ZMIZ1: variants seen among roughly 807,000 people sequenced by gnomAD.
ZMIZ1 encodes the protein zinc finger MIZ-type containing 1, also known as zinc finger MIZ domain-containing protein 1.
Under a neutral mutation model 113.9 loss-of-function variants are expected in ZMIZ1, and 17 were observed. The ratio of observed to expected loss-of-function variants is 0.15; its 90% CI spans 0.10 to 0.22. The LOEUF (loss-of-function observed/expected upper bound fraction) is 0.22, where lower values mean the gene tolerates loss of function less well. ZMIZ1 is among the 10% of genes least tolerant of loss of function. The pLI, the probability that ZMIZ1 is intolerant of heterozygous loss-of-function variation, is 1.00. For synonymous variants in ZMIZ1, 607 were observed against 603.1 expected (o/e 1.01, Z -0.09); for missense variants, 1,059 against 1,477.8 (o/e 0.72, Z 4.65).
intron 2 of ZMIZ1, among the ~76,000 whole-genome samples, chr10:79,128,477 C>T (rs113230083): frequency 1.3e-5 from 2 of 152,312 alleles, no homozygotes; most frequent in African/African-American, 4.8e-5. Flanking sequence ...ATGAATCTGA[C>T]CTTTGCAGTG....
At chr10:79,261,786 A>G (rs12572856) in intron 7 of ZMIZ1, among the ~76,000 whole-genome samples, 31,533 of 152,222 alleles carry the variant, frequency 0.21, 3,628 homozygotes, top group Non-Finnish European at 0.27. Flanking sequence ...CTCCATCCAT[A>G]GCCACTGTCA....
chr10:79,088,274 G>A (rs1257504901), intron 1 of ZMIZ1, among the ~76,000 whole-genome samples: 3 of 152,228 alleles, frequency 2.0e-5, no homozygotes, highest in African/African-American at 7.2e-5. Context: ...TTGGCTTCCT[G>A]GGAGAATTGG....
intron 1 of ZMIZ1, among the ~76,000 whole-genome samples, chr10:79,099,735 C>A (rs376810187): frequency 3.3e-5 from 5 of 152,316 alleles, no homozygotes; most frequent in African/African-American, 1.2e-4. Context: ...TCTCCATAAA[C>A]CCCCTGTGAC....
intron 7 of ZMIZ1, among the ~76,000 whole-genome samples, chr10:79,247,618 T>C (rs1335298510): frequency 6.6e-6 from 1 of 152,130 alleles, no homozygotes; most frequent in African/African-American, 2.4e-5. Flanking sequence ...CCCCAACTGC[T>C]CCCACCCCCC....
intron 3 of ZMIZ1, among the ~76,000 whole-genome samples, chr10:79,150,470 G>T (rs1188407873): frequency 6.6e-6 from 1 of 152,198 alleles, no homozygotes; most frequent in African/African-American, 2.4e-5. Context: ...CTCAGACAAA[G>T]CCTGTGACCC....
At chr10:79,100,358 C>G (rs1843316001) in intron 1 of ZMIZ1, among the ~76,000 whole-genome samples, 2 of 150,572 alleles carry the variant, frequency 1.3e-5, no homozygotes, top group Non-Finnish European at 2.9e-5. Context: ...TGTAATCCAG[C>G]ACTTTGGGAG....
At chr10:79,193,793 G>A (rs952571288) in intron 4 of ZMIZ1, among the ~76,000 whole-genome samples, 1 of 152,198 alleles carries the variant, frequency 6.6e-6, no homozygotes, top group Non-Finnish European at 1.5e-5. Context: ...ACAGTCAGAG[G>A]CAAAGACATG....
Position 79,069,358 on chromosome 10 carries a change from G to A in ZMIZ1, c.-337+88G>A, listed in dbSNP as rs1319680365. On this transcript the variant is annotated intron_variant, in intron 1 of 24. Transcript: ENST00000334512. This position sits in a 1 kb window ranked among gnomAD's most constrained non-coding sequence, Gnocchi z 4.6. ...CTCTCGGGGTGCAAGCGTGGGGATTGGGTGCTGGGGTTTTTCCCTTAAAGT... is the reference window on the plus strand; with the variant it reads ...CTCTCGGGGTGCAAGCGTGGGGATTAGGTGCTGGGGTTTTTCCCTTAAAGT... 1.3e-5 allele frequency: 2 copies of A among 150,600 alleles called. No homozygotes were observed. The highest frequency in any genetic ancestry group is 4.8e-5 in the African/African-American group (2 of 41,252). 9.3% of individuals were successfully genotyped at this position (150,600 alleles called of 1,614,324 possible). A position where few individuals can be genotyped will look rare whatever the true frequency, so the allele number is the denominator to read the frequency against.
intron 3 of ZMIZ1, among the ~76,000 whole-genome samples, chr10:79,140,294 C>T (rs1370337940): frequency 1.3e-5 from 2 of 152,194 alleles, no homozygotes; most frequent in Admixed American, 6.5e-5. Context: ...CAAAGTTCTC[C>T]CTGTCAGCTC....
At chr10:79,211,747 G>A (rs1000327598) in intron 6 of ZMIZ1, among the ~76,000 whole-genome samples, 6 of 152,172 alleles carry the variant, frequency 3.9e-5, no homozygotes, top group Non-Finnish European at 7.4e-5. Context: ...CACAAGCCCC[G>A]GGCCACCACT....
intron 3 of ZMIZ1, among the ~76,000 whole-genome samples, chr10:79,153,577 C>T (rs1306289172): frequency 1.3e-5 from 2 of 152,266 alleles, no homozygotes; most frequent in African/African-American, 4.8e-5. Context: ...GCTGTCCTTG[C>T]GGGAGAGACC....
intron 1 of ZMIZ1, among the ~76,000 whole-genome samples, chr10:79,105,910 A>C (rs546469205): frequency 6.6e-6 from 1 of 152,336 alleles, no homozygotes; most frequent in South Asian, 2.1e-4. Flanking sequence ...CCTTCCCCTA[A>C]GTGCTCACCA....
intron 8 of ZMIZ1, among the ~76,000 whole-genome samples, chr10:79,277,807 G>A (rs535923383): frequency 5.9e-5 from 9 of 152,322 alleles, no homozygotes; most frequent in South Asian, 2.1e-4. Context: ...CGACAGCACC[G>A]AGGGATTGTC....
intron 1 of ZMIZ1, among the ~76,000 whole-genome samples, chr10:79,092,331 T>C (rs1281657287): frequency 1.3e-5 from 2 of 152,246 alleles, no homozygotes; most frequent in African/African-American, 4.8e-5. Flanking sequence ...CTTCCCTCTG[T>C]TCTCCAGATT....
intron 1 of ZMIZ1, among the ~76,000 whole-genome samples, chr10:79,072,280 A>G (rs904071098): frequency 2.0e-5 from 3 of 152,178 alleles, no homozygotes; most frequent in African/African-American, 7.2e-5. Flanking sequence ...GCGCGCACGC[A>G]CACTCACTTC....
At chr10:79,302,992 G>C (rs991704132) in intron 18 of ZMIZ1, among the ~76,000 whole-genome samples, 1 of 151,848 alleles carries the variant, frequency 6.6e-6, no homozygotes, top group Non-Finnish European at 1.5e-5. Flanking sequence ...CTCCCGAGTA[G>C]CTGGGACTAC....
chr10:79,277,354 T>A, intron 8 of ZMIZ1, 29 bp downstream of exon 8: 1 of 1,557,246 alleles, frequency 6.4e-7, no homozygotes. Context: ...TGGGTGCAGG[T>A]ACTGAGCAGA....
chr10:79,236,711 G>A (rs1564541304), intron 7 of ZMIZ1, among the ~76,000 whole-genome samples: 1 of 152,176 alleles, frequency 6.6e-6, no homozygotes, highest in African/African-American at 2.4e-5. Flanking sequence ...GGGCAGCAGG[G>A]CCACCACACA....
intron 7 of ZMIZ1, among the ~76,000 whole-genome samples, chr10:79,216,943 C>T (rs895125499): frequency 6.6e-6 from 1 of 152,184 alleles, no homozygotes; most frequent in African/African-American, 2.4e-5. Flanking sequence ...TTTAAAGATA[C>T]AGTTTTATTT....
Sources: gnomAD v4.1 joint callset for allele counts (sites outside exome capture counted in the v4.1 genomes callset) on GRCh38, gnomAD v4.1.1 for gene constraint, Gnocchi (gnomAD v3.1) non-coding constraint, MANE v1.5 for transcripts, NCBI Gene and HGNC (gene_info 2026-07-23, HGNC 2026-07-21) for gene names.